Variants in EVL observed in about 807,000 individuals in gnomAD.
The protein encoded by EVL is ena/VASP-like protein.
EVL carries 21 observed loss-of-function variants against 59.6 expected under a neutral mutation model. That is an observed-to-expected ratio of 0.35 (90% CI 0.25 to 0.51). The LOEUF is 0.51. Among genes scored for constraint, EVL ranks in the 20% least tolerant of loss-of-function variants. The pLI, the probability that EVL is intolerant of heterozygous loss-of-function variation, is 0.97. For synonymous variants in EVL, 198 were observed against 203.5 expected, an observed-to-expected ratio of 0.97 and a Z score of 0.23; for missense variants, 462 against 546.6, an observed-to-expected ratio of 0.85 and a Z score of 1.54.
intron 1 of EVL, among the ~76,000 whole-genome samples, chr14:100,070,947 A>C (rs1333484524): frequency 6.6e-6 from 1 of 152,208 alleles, no homozygotes; most frequent in Non-Finnish European, 1.5e-5. Context: ...TCCCCAAAGA[A>C]AGGGCTACGC....
intron 1 of EVL, among the ~76,000 whole-genome samples, chr14:100,054,431 A>C (rs796307834): frequency 2.4e-4 from 36 of 152,278 alleles, no homozygotes; most frequent in African/African-American, 8.4e-4. Flanking sequence ...TCCTAGAGAC[A>C]GTAAGAAGCT....
chr14:100,016,330 A>G (rs2061049912), intron 1 of EVL, among the ~76,000 whole-genome samples: 1 of 152,154 alleles, frequency 6.6e-6, no homozygotes. Context: ...AGAGATCAAC[A>G]CCATCCTGGC....
At chr14:99,983,274 G>C (rs2060819624) in intron 1 of EVL, among the ~76,000 whole-genome samples, 1 of 152,160 alleles carries the variant, frequency 6.6e-6, no homozygotes, top group Admixed American at 6.5e-5. Context: ...AGATAAAACA[G>C]GAGACATAAT....
At chr14:100,053,214 A>G (rs1052425595) in intron 1 of EVL, among the ~76,000 whole-genome samples, 1 of 152,200 alleles carries the variant, frequency 6.6e-6, no homozygotes, top group African/African-American at 2.4e-5. Context: ...CAAAAGAAAG[A>G]TTAACATAAT....
intron 1 of EVL, among the ~76,000 whole-genome samples, chr14:100,082,412 G>A (rs1310054488): frequency 6.6e-6 from 1 of 152,154 alleles, no homozygotes; most frequent in Non-Finnish European, 1.5e-5. Context: ...TGTGGCTGAT[G>A]GAAGGAAGCG....
At chr14:100,025,825 A>G (rs2061200770) in intron 1 of EVL, among the ~76,000 whole-genome samples, 1 of 152,124 alleles carries the variant, frequency 6.6e-6, no homozygotes, top group Non-Finnish European at 1.5e-5. Flanking sequence ...AATCCTAGCT[A>G]CTCGGGAGGC....
At chr14:99,971,462 G>A (rs1206534712) in exon 1 of EVL, 1 of 151,808 alleles carries the variant, frequency 6.6e-6, no homozygotes, top group Non-Finnish European at 1.5e-5. Context: ...GGGGCCCCGC[G>A]CCTTTTGTGT....
At chr14:100,141,708 C>CA in intron 12 of EVL, 28 bp from the exon 13 acceptor site, 1 of 1,611,030 alleles carries the variant, frequency 6.2e-7, no homozygotes, top group Non-Finnish European at 8.5e-7. Flanking sequence ...CTGCCTGTCC[C>CA]TTCACCTGGA....
chr14:100,046,629 C>T (rs530527562), intron 1 of EVL, among the ~76,000 whole-genome samples: 14 of 151,128 alleles, frequency 9.3e-5, no homozygotes, highest in South Asian at 4.2e-4. Context: ...ATGATGCCAG[C>T]GCACTCCAGC....
At chr14:100,095,317 G>T (rs1226312960) in intron 2 of EVL, among the ~76,000 whole-genome samples, 2 of 152,086 alleles carry the variant, frequency 1.3e-5, no homozygotes, top group East Asian at 1.9e-4. Flanking sequence ...CACCAAAAAT[G>T]AAAACAAAAA....
chr14:100,067,045 A>T (rs2061944339), intron 1 of EVL, among the ~76,000 whole-genome samples: 1 of 152,216 alleles, frequency 6.6e-6, no homozygotes, highest in African/African-American at 2.4e-5. Context: ...AGTGTGGAGC[A>T]GAATTTGTGT....
At chr14:100,087,569 G>A (rs61984513) in intron 2 of EVL, among the ~76,000 whole-genome samples, 4,757 of 152,278 alleles carry the variant, frequency 0.031, 119 homozygotes, top group Non-Finnish European at 0.047. Context: ...AGCCGTGGTC[G>A]CGCCACTGCA....
At chr14:100,122,744 G>T (rs1887778608) in intron 3 of EVL, among the ~76,000 whole-genome samples, 1 of 152,266 alleles carries the variant, frequency 6.6e-6, no homozygotes, top group Non-Finnish European at 1.5e-5. Context: ...GGAACAGTCA[G>T]CTCTTTCTTA....
At chr14:100,055,529 C>A (rs965942440) in intron 1 of EVL, among the ~76,000 whole-genome samples, 1 of 152,220 alleles carries the variant, frequency 6.6e-6, no homozygotes, top group African/African-American at 2.4e-5. Context: ...AAATATATTT[C>A]TTTCTTCCTT....
chr14:99,982,675 A>C (rs1008149798), intron 1 of EVL, among the ~76,000 whole-genome samples: 1 of 152,246 alleles, frequency 6.6e-6, no homozygotes, highest in Non-Finnish European at 1.5e-5. Flanking sequence ...TGAGCGATTC[A>C]TACGAAGATG....
intron 8 of EVL, chr14:100,135,192 A>G (rs1888699207): frequency 6.6e-6 from 1 of 152,212 alleles, no homozygotes; most frequent in Non-Finnish European, 1.5e-5. Flanking sequence ...TTCACCACAC[A>G]GATACGCAGG....
At chr14:100,050,361 ATTTTT>A (rs11361997) in intron 1 of EVL, among the ~76,000 whole-genome samples, 2 of 82,808 alleles carry the variant, frequency 2.4e-5, no homozygotes, top group Non-Finnish European at 6.3e-5. Context: ...TTATTTATTT[ATTTTT>A]TTTTAGACAG....
At chr14:100,056,338 C>T (rs1469060389) in intron 1 of EVL, among the ~76,000 whole-genome samples, 1 of 151,264 alleles carries the variant, frequency 6.6e-6, no homozygotes, top group African/African-American at 2.4e-5. Flanking sequence ...TTTGCCTCTT[C>T]TGCTGAGCAT....
At chr14:100,020,079 A>G (rs1318236825) in intron 1 of EVL, among the ~76,000 whole-genome samples, 1 of 152,234 alleles carries the variant, frequency 6.6e-6, no homozygotes, top group Non-Finnish European at 1.5e-5. Flanking sequence ...TTTTTAAAAA[A>G]TGCTGATTGT....
Sources: allele counts gnomAD v4.1 joint callset (sites outside exome capture counted in the v4.1 genomes callset), GRCh38; gene constraint gnomAD v4.1.1; transcripts MANE v1.5; gene names NCBI Gene and HGNC (gene_info 2026-07-23, HGNC 2026-07-21).